The following FAM227A variants were observed in gnomAD, a reference collection of about 807,000 sequenced individuals.
FAM227A encodes family with sequence similarity 227 member A.
A neutral mutation model predicts 74.7 loss-of-function variants in FAM227A; 80 were observed. The observed-to-expected ratio is 1.07, with a 90% confidence interval of 0.89 to 1.29. FAM227A has a LOEUF of 1.29. Ranked by LOEUF, FAM227A falls within the 50% of genes most tolerant of loss-of-function variation. The pLI is 0.00. For missense variants in FAM227A, 654 were observed against 683.4 expected, an observed-to-expected ratio of 0.96 and a Z score of 0.48; for synonymous variants, 237 against 241.8, an observed-to-expected ratio of 0.98 and a Z score of 0.19.
chr22:38,624,413 G>T (rs1293909491), intron 9 of FAM227A, among the ~76,000 whole-genome samples: 1 of 152,100 alleles, frequency 6.6e-6, no homozygotes, highest in Non-Finnish European at 1.5e-5. Context: ...GATTAAATGG[G>T]TGTGCAGAAG....
At chr22:38,639,946 G>A (rs1395630629) in intron 3 of FAM227A, among the ~76,000 whole-genome samples, 1 of 152,120 alleles carries the variant, frequency 6.6e-6, no homozygotes, top group East Asian at 1.9e-4. Flanking sequence ...CTTCTTCTAG[G>A]AGTATGTGAT....
intron 11 of FAM227A, among the ~76,000 whole-genome samples, chr22:38,616,624 C>G (rs2091582117): frequency 6.6e-6 from 1 of 151,490 alleles, no homozygotes; most frequent in South Asian, 2.1e-4. Context: ...CAAGATCATG[C>G]CATTGCACTC....
At chr22:38,594,507 G>A (rs182552459) in intron 15 of FAM227A, among the ~76,000 whole-genome samples, 2 of 152,284 alleles carry the variant, frequency 1.3e-5, no homozygotes, top group Admixed American at 6.5e-5. Context: ...AATAGAGGGA[G>A]GTTTTTCTTG....
intron 8 of FAM227A, among the ~76,000 whole-genome samples, chr22:38,626,875 AAAAAAAAAAAAAAAAAATAT>A (rs1296605518): frequency 9.8e-6 from 1 of 102,358 alleles, no homozygotes; most frequent in East Asian, 3.3e-4. Flanking sequence ...CAAAAAAAAA[AAAAAAAAAAAAAAAAAATAT>A]ATATATATAT....
chr22:38,625,088 C>T (rs750609642), intron 9 of FAM227A, among the ~76,000 whole-genome samples: 6 of 151,938 alleles, frequency 3.9e-5, no homozygotes, highest in Admixed American at 1.3e-4. Flanking sequence ...GACTAGGAGG[C>T]GGTTGAAAAA....
chr22:38,598,118 A>G (rs1018749899), intron 14 of FAM227A, among the ~76,000 whole-genome samples: 5 of 151,576 alleles, frequency 3.3e-5, no homozygotes, highest in African/African-American at 1.2e-4. Context: ...TTAGAATCTC[A>G]GCTACACTCG....
chr22:38,628,226 G>A lies in FAM227A; in HGVS notation c.726+12C>T, dbSNP rs1393291585. ...AATGTGACTTTTTTTCTAGATAGTG[G>A]CTGATGCTCACTTTTAAGAGCGCCT... is the stretch of plus-strand genomic sequence containing the variant. On this transcript the variant is annotated intron_variant, in intron 8 of 16. Transcript: ENST00000535113. 8 of 1,467,822 alleles carry A rather than the reference G, an allele frequency of 5.5e-6. No individual in the cohort carries two copies. Among genetic ancestry groups the A allele is most frequent in the Non-Finnish European group, 7.5e-6 (8 of 1,072,624 alleles). The allele number at this position is 1,467,822 out of a possible 1,614,324, so 90.9% of individuals were successfully genotyped here.
At chr22:38,630,413 G>C (rs1373576958) in intron 6 of FAM227A, among the ~76,000 whole-genome samples, 1 of 152,204 alleles carries the variant, frequency 6.6e-6, no homozygotes, top group Non-Finnish European at 1.5e-5. Context: ...CAGACTGCCT[G>C]GATTCAAATC....
intron 15 of FAM227A, among the ~76,000 whole-genome samples, chr22:38,596,599 C>G (rs2091049467): frequency 6.6e-6 from 1 of 152,082 alleles, no homozygotes; most frequent in African/African-American, 2.4e-5. Flanking sequence ...TTTGGATTAG[C>G]TATTAGAGAG....
intron 8 of FAM227A, among the ~76,000 whole-genome samples, chr22:38,626,793 G>A (rs2091810235): frequency 7.8e-6 from 1 of 128,344 alleles, no homozygotes; most frequent in Admixed American, 8.9e-5. Context: ...AGAAGCACTT[G>A]AACCAGGAGG....
chr22:38,607,004 G>A (rs894801285), intron 12 of FAM227A, among the ~76,000 whole-genome samples: 2 of 151,636 alleles, frequency 1.3e-5, no homozygotes, highest in African/African-American at 2.4e-5. Context: ...TGGTGAAACC[G>A]CGTCTCTACT....
chr22:38,628,196 A>C (rs189049518), intron 8 of FAM227A, 42 bp downstream of exon 8: 6 of 1,167,182 alleles, frequency 5.1e-6, no homozygotes. Context: ...AATGAACAGA[A>C]ATCTAATGTG....
At chr22:38,625,105 A>G (rs2091768435) in intron 9 of FAM227A, among the ~76,000 whole-genome samples, 1 of 152,084 alleles carries the variant, frequency 6.6e-6, no homozygotes, top group African/African-American at 2.4e-5. Flanking sequence ...AAAAGCAGAC[A>G]TCTGCCGGGT....
chr22:38,605,058 T>C (rs1175910675), intron 13 of FAM227A, among the ~76,000 whole-genome samples, 196 bp downstream of exon 13: 1 of 152,206 alleles, frequency 6.6e-6, no homozygotes, highest in Non-Finnish European at 1.5e-5. Flanking sequence ...CTTTGCTCAT[T>C]AATAAACTGG....
chr22:38,612,891 C>T (rs1411302798), intron 11 of FAM227A, among the ~76,000 whole-genome samples: 2 of 150,676 alleles, frequency 1.3e-5, no homozygotes, highest in Non-Finnish European at 2.9e-5. Context: ...TCCAGGGTAG[C>T]TGTGCACCTT....
chr22:38,635,769 AG>A (rs768643814), intron 6 of FAM227A, among the ~76,000 whole-genome samples: 3 of 152,116 alleles, frequency 2.0e-5, no homozygotes, highest in Non-Finnish European at 4.4e-5. Flanking sequence ...GAGGATGGGG[AG>A]GGGAAGATGG....
Position 38,582,796 on chromosome 22 carries a change from C to A in FAM227A, c.*3329G>T. ...AGGCAATTCCAATCTACTATGGTAA[C>A]TGCTGCCATAATGGGATGGCACAGA... On this transcript the variant is annotated 3_prime_UTR_variant, in exon 17 of 17. Transcript: ENST00000535113. The A allele has an allele frequency of 1.3e-6, 2 of 1,541,666 alleles. No individual in the cohort carries two copies. The highest frequency in any genetic ancestry group is 1.8e-6 in the Non-Finnish European group (2 of 1,140,446).
intron 11 of FAM227A, among the ~76,000 whole-genome samples, chr22:38,610,100 G>A (rs1406707014): frequency 1.3e-5 from 2 of 152,028 alleles, no homozygotes; most frequent in African/African-American, 2.4e-5. Flanking sequence ...AAGAGACAGT[G>A]TCTTTACTCT....
At chr22:38,637,131 T>C (rs1246304785) in intron 5 of FAM227A, among the ~76,000 whole-genome samples, 1 of 152,236 alleles carries the variant, frequency 6.6e-6, no homozygotes, top group African/African-American at 2.4e-5. Context: ...ATATGATTTA[T>C]ATATGATTCG....
Sources: allele counts gnomAD v4.1 joint callset (sites outside exome capture counted in the v4.1 genomes callset), GRCh38; gene constraint gnomAD v4.1.1; transcripts MANE v1.5; gene names NCBI Gene and HGNC (gene_info 2026-07-23, HGNC 2026-07-21).